CCDC93: variants seen among roughly 807,000 people sequenced by gnomAD.
CCDC93 encodes the protein CCC complex scaffolding subunit CCDC93.
CCDC93 carries 61 observed loss-of-function variants against 108.2 expected under a neutral mutation model. The observed-to-expected ratio is 0.56, with a 90% CI of 0.46 to 0.70. The LOEUF (loss-of-function observed/expected upper bound fraction) is 0.70. Ranked by LOEUF, CCDC93 falls within the 30% of genes least tolerant of loss-of-function variation. CCDC93 has a pLI of 0.00. For synonymous variants in CCDC93, 276 were observed against 260.4 expected, an observed-to-expected ratio of 1.06 and a Z score of -0.58; for missense variants, 685 against 764.2, an observed-to-expected ratio of 0.90 and a Z score of 1.22.
chr2:117,975,037 G>T (rs1183944719), intron 9 of CCDC93, 137 bp from the exon 10 acceptor site: 1 of 1,038,286 alleles, frequency 9.6e-7, no homozygotes, highest in Middle Eastern at 2.1e-4. Flanking sequence ...TCAAAGGCAG[G>T]TGATAAAATG....
At chr2:118,013,486 G>A (rs544514582) in intron 1 of CCDC93, among the ~76,000 whole-genome samples, 1 of 152,280 alleles carries the variant, frequency 6.6e-6, no homozygotes, top group African/African-American at 2.4e-5. Flanking sequence ...GGGGCGGGCC[G>A]CCGGGACTCT....
intron 21 of CCDC93, chr2:117,935,814 A>C (rs1678503358): frequency 1.1e-5 from 4 of 376,678 alleles, no homozygotes; most frequent in Non-Finnish European, 1.9e-5. Context: ...CTTTTTTGTC[A>C]TACTTTCCCT....
chr2:117,977,924 G>A, intron 8 of CCDC93, 70 bp downstream of exon 8: 3 of 1,406,256 alleles, frequency 2.1e-6, no homozygotes, highest in Non-Finnish European at 3.0e-6. Context: ...GCTTGTGAGT[G>A]TTAGTCAGAG....
intron 3 of CCDC93, among the ~76,000 whole-genome samples, chr2:118,001,586 A>C (rs1676688594): frequency 1.1e-5 from 1 of 91,734 alleles, no homozygotes. Context: ...AGGGACACCG[A>C]CCTTTCTCTA....
At chr2:118,013,507 G>T (rs910505323) in intron 1 of CCDC93, among the ~76,000 whole-genome samples, 1 of 152,204 alleles carries the variant, frequency 6.6e-6, no homozygotes, top group South Asian at 2.1e-4. Context: ...GCGGGGTGGC[G>T]GTAGACGTCC....
intron 7 of CCDC93, among the ~76,000 whole-genome samples, chr2:117,979,052 G>A (rs1188631702): frequency 6.6e-6 from 1 of 152,118 alleles, no homozygotes; most frequent in African/African-American, 2.4e-5. Context: ...AGGCTACTCT[G>A]TGCCTCACTT....
chr2:117,943,413 A>T (rs1678768353), intron 18 of CCDC93, among the ~76,000 whole-genome samples: 1 of 152,136 alleles, frequency 6.6e-6, no homozygotes, highest in African/African-American at 2.4e-5. Context: ...GACAAATTTG[A>T]CTCACTCTAA....
rs776841417 is a variant in CCDC93, at chr2:118,000,844, T to A, written c.340A>T (p.Ile114Phe). 6.2e-6 allele frequency: 10 copies of A among 1,612,674 alleles called. No homozygotes were observed. In the Admixed American group the frequency reaches 1.3e-4, roughly 22 times the overall value. ...ACCTGAACAACAGGAAATATGTGAA[T>A]AAAATCCATCCCCTGGATCTGGTGG... ...EPHQIQGMDF[I>F]HIFPVVQWLV... The change falls in exon 4 of 24, where the codon ATT becomes TTT. Residue 114 changes from isoleucine (I) to phenylalanine (F), a missense_variant. Coordinates refer to ENST00000376300, the MANE Select transcript of CCDC93 (RefSeq NM_019044.5).
At chr2:118,007,939 T>C (rs912730854) in intron 2 of CCDC93, among the ~76,000 whole-genome samples, 1 of 152,190 alleles carries the variant, frequency 6.6e-6, no homozygotes, top group Non-Finnish European at 1.5e-5. Flanking sequence ...CTGTGCACAG[T>C]CCACGGTGGC....
chr2:117,942,826 A>G (rs1678744301), intron 18 of CCDC93, among the ~76,000 whole-genome samples: 1 of 152,198 alleles, frequency 6.6e-6, no homozygotes, highest in African/African-American at 2.4e-5. Flanking sequence ...GGACATTTCA[A>G]TGTGGTTGAG....
intron 2 of CCDC93, 85 bp from the exon 3 acceptor site, chr2:118,006,901 C>T (rs1676885807): frequency 2.6e-6 from 2 of 755,520 alleles, no homozygotes; most frequent in East Asian, 5.1e-5. Context: ...TTATAAATAG[C>T]TCTAATAGAC....
rs1385264776 is a variant in CCDC93, at chr2:118,014,030, C to A, written c.-35G>T. 6.3e-7 allele frequency: 1 copy of A among 1,584,600 alleles called. No homozygotes were observed. Among genetic ancestry groups the A allele is most frequent in the Admixed American group, 1.8e-5 (1 of 54,678 alleles). On this transcript the variant is annotated 5_prime_UTR_variant, in exon 1 of 24. Transcript: ENST00000376300. Reference sequence around the variant, plus strand: ...GGGCTGTCGTAAGGCGAGAGCGAAGCCCGCCAAGCGTCCGGAGGAAGCTGT... The same window carrying A: ...GGGCTGTCGTAAGGCGAGAGCGAAGACCGCCAAGCGTCCGGAGGAAGCTGT...
chr2:117,980,984 G>A (rs1278614552), intron 7 of CCDC93, among the ~76,000 whole-genome samples: 1 of 152,134 alleles, frequency 6.6e-6, no homozygotes, highest in African/African-American at 2.4e-5. Flanking sequence ...TTTGACTCAT[G>A]AGAATATTTT....
chr2:117,922,057 A>G (rs1403525472), intron 23 of CCDC93, among the ~76,000 whole-genome samples: 1 of 152,176 alleles, frequency 6.6e-6, no homozygotes, highest in Non-Finnish European at 1.5e-5. Flanking sequence ...ACAGAGAGCT[A>G]CACTATTATA....
intron 13 of CCDC93, chr2:117,950,246 C>T (rs994695518): frequency 2.0e-6 from 2 of 985,242 alleles, no homozygotes; most frequent in Admixed American, 6.1e-5. Flanking sequence ...GAGCTGAAGA[C>T]AGACATAACC....
rs1038029647 is a variant in CCDC93, at chr2:117,931,988, A to G, written c.1729-838T>C. ...ATTCACATTAAGCAAGCACCCTGAC[A>G]AACAGACACACAAAATATTCGCAAC... On this transcript the variant is annotated intron_variant, in intron 22 of 23. Transcript: ENST00000376300. 2.6e-5 allele frequency among the ~76,000 whole-genome samples: 4 copies of G among 152,284 alleles called. No homozygotes were observed. In the East Asian group the frequency reaches 7.7e-4, roughly 29 times the overall value.
intron 10 of CCDC93, 71 bp downstream of exon 10, chr2:117,974,779 C>G: frequency 8.4e-7 from 1 of 1,191,078 alleles, no homozygotes; most frequent in Non-Finnish European, 1.2e-6. Context: ...GGTGGGCTCT[C>G]TGGGAGAAGA....
At chr2:117,988,514 C>T (rs1186151743) in intron 6 of CCDC93, among the ~76,000 whole-genome samples, 1 of 152,210 alleles carries the variant, frequency 6.6e-6, no homozygotes, top group African/African-American at 2.4e-5. Context: ...CAACAGGAAG[C>T]GATACTTTCC....
intron 14 of CCDC93, 80 bp downstream of exon 14, chr2:117,949,242 G>A: frequency 1.0e-6 from 1 of 975,874 alleles, no homozygotes; most frequent in Non-Finnish European, 1.7e-6. Flanking sequence ...TTTGTTCTGT[G>A]TTTAAACAAA....
Sources: gnomAD v4.1 joint callset for allele counts (sites outside exome capture counted in the v4.1 genomes callset) on GRCh38, gnomAD v4.1.1 for gene constraint, MANE v1.5 for transcripts, NCBI Gene and HGNC (gene_info 2026-07-23, HGNC 2026-07-21) for gene names.